Variants in ARHGAP22 observed in about 807,000 individuals in gnomAD.
The protein encoded by ARHGAP22 is Rho GTPase activating protein 22.
In ARHGAP22, 48 loss-of-function variants were observed where a neutral mutation model predicts 59.1. That is an observed-to-expected ratio of 0.81 (90% CI 0.64 to 1.03). ARHGAP22 has a LOEUF of 1.03. Among genes scored for constraint, ARHGAP22 ranks in the 50% least tolerant of loss-of-function variants. ARHGAP22 has a pLI of 0.00. For missense variants in ARHGAP22, 1,015 were observed against 958.7 expected, an observed-to-expected ratio of 1.06 and a Z score of -0.78; for synonymous variants, 445 against 416.4, an observed-to-expected ratio of 1.07 and a Z score of -0.84.
chr10:48,625,644 C>T (rs554888930), intron 1 of ARHGAP22, among the ~76,000 whole-genome samples: 5 of 150,914 alleles, frequency 3.3e-5, no homozygotes, highest in South Asian at 2.1e-4. Context: ...TAGACCAGAC[C>T]GTGCTCACAT....
chr10:48,541,447 T>C (rs1302486236), intron 3 of ARHGAP22, among the ~76,000 whole-genome samples: 1 of 152,214 alleles, frequency 6.6e-6, no homozygotes, highest in Non-Finnish European at 1.5e-5. Context: ...TCTGTGTCTC[T>C]GTGTCACAGA....
intron 2 of ARHGAP22, among the ~76,000 whole-genome samples, chr10:48,561,118 G>T (rs1325869192): frequency 6.6e-6 from 1 of 152,092 alleles, no homozygotes; most frequent in African/African-American, 2.4e-5. Flanking sequence ...AAAACAATGA[G>T]ATATTAGCAT....
At chr10:48,615,776 C>G (rs534340369) in intron 1 of ARHGAP22, among the ~76,000 whole-genome samples, 5 of 152,174 alleles carry the variant, frequency 3.3e-5, no homozygotes, top group Admixed American at 3.3e-4. Context: ...TCATCAAGTA[C>G]TGAACTTCGA....
At chr10:48,551,848 G>A (rs76747442) in intron 3 of ARHGAP22, among the ~76,000 whole-genome samples, 2,458 of 152,332 alleles carry the variant, frequency 0.016, 73 homozygotes, top group African/African-American at 0.056. Flanking sequence ...TGGGAACAAT[G>A]CTAGAATCTG....
intron 3 of ARHGAP22, among the ~76,000 whole-genome samples, chr10:48,539,354 C>T (rs942477119): frequency 1.5e-5 from 2 of 137,294 alleles, no homozygotes; most frequent in Middle Eastern, 4.2e-3. Flanking sequence ...TGCAGTGGCG[C>T]GATCTCGGCT....
chr10:48,595,412 C>T (rs541472675), intron 1 of ARHGAP22, among the ~76,000 whole-genome samples: 124 of 152,298 alleles, frequency 8.1e-4, no homozygotes, highest in Non-Finnish European at 1.6e-3. Flanking sequence ...GACCTCCTTC[C>T]GGGTCCCACA....
chr10:48,644,050 G>A (rs2062185804), intron 1 of ARHGAP22, among the ~76,000 whole-genome samples: 1 of 152,186 alleles, frequency 6.6e-6, no homozygotes, highest in South Asian at 2.1e-4. Flanking sequence ...GGGAGGCTGA[G>A]GCAGGAGAAT....
At chr10:48,482,006 A>T (rs927515580) in intron 3 of ARHGAP22, among the ~76,000 whole-genome samples, 1 of 152,188 alleles carries the variant, frequency 6.6e-6, no homozygotes, top group African/African-American at 2.4e-5. Context: ...TCTGGATATA[A>T]GGCCTTTACC....
chr10:48,548,321 C>T (rs1296391564), intron 3 of ARHGAP22, among the ~76,000 whole-genome samples: 7 of 152,132 alleles, frequency 4.6e-5, no homozygotes, highest in Non-Finnish European at 1.0e-4. Flanking sequence ...CCTGCTCCAA[C>T]CAGGACTCTT....
chr10:48,570,182 A>G (rs1374465295), intron 2 of ARHGAP22, among the ~76,000 whole-genome samples: 2 of 123,878 alleles, frequency 1.6e-5, no homozygotes, highest in Non-Finnish European at 3.3e-5. Context: ...TTTCATTTTG[A>G]TATGTTTAAT....
upstream of ARHGAP22, among the ~76,000 whole-genome samples, chr10:48,607,493 C>A (rs577294990): frequency 2.0e-5 from 3 of 152,288 alleles, no homozygotes; most frequent in Non-Finnish European, 4.4e-5. Context: ...GCCCCTTCAT[C>A]CTGAAGTTTA....
chr10:48,552,104 T>G (rs980847459), intron 3 of ARHGAP22, among the ~76,000 whole-genome samples: 12 of 152,294 alleles, frequency 7.9e-5, no homozygotes, highest in African/African-American at 2.7e-4. Context: ...TTTTATACCG[T>G]TGAATTGCAC....
intron 3 of ARHGAP22, among the ~76,000 whole-genome samples, chr10:48,551,833 C>T (rs1232837626): frequency 1.3e-5 from 2 of 152,236 alleles, no homozygotes; most frequent in African/African-American, 4.8e-5. Flanking sequence ...ACCTCCCAGC[C>T]CAGATGGGAA....
intron 4 of ARHGAP22, among the ~76,000 whole-genome samples, chr10:48,469,259 C>T (rs547055208): frequency 5.9e-5 from 9 of 152,324 alleles, no homozygotes; most frequent in African/African-American, 2.2e-4. Context: ...CATTGAGCTC[C>T]AGGTGAAGCC....
chr10:48,647,125 G>T (rs2062337501), intron 1 of ARHGAP22, among the ~76,000 whole-genome samples: 1 of 152,196 alleles, frequency 6.6e-6, no homozygotes, highest in Non-Finnish European at 1.5e-5. Context: ...TGGGCTTGGT[G>T]GTTTACACTT....
At chr10:48,451,793 C>T (rs1199307728) in intron 8 of ARHGAP22, among the ~76,000 whole-genome samples, 2 of 151,056 alleles carry the variant, frequency 1.3e-5, no homozygotes, top group African/African-American at 4.9e-5. Flanking sequence ...ATACAATGCC[C>T]ACTCCCGAAA....
intron 3 of ARHGAP22, among the ~76,000 whole-genome samples, chr10:48,534,612 T>C (rs2135008348): frequency 6.6e-6 from 1 of 152,354 alleles, no homozygotes; most frequent in South Asian, 2.1e-4. Flanking sequence ...CCACTTACTG[T>C]ATGCCAAGCA....
intron 9 of ARHGAP22, among the ~76,000 whole-genome samples, chr10:48,448,184 A>G (rs2045553643): frequency 6.6e-6 from 1 of 151,730 alleles, no homozygotes; most frequent in Non-Finnish European, 1.5e-5. Context: ...CCCTCCCCAC[A>G]CATCTCCAGT....
At chr10:48,641,813 T>C (rs1169423585) in intron 1 of ARHGAP22, among the ~76,000 whole-genome samples, 3 of 152,226 alleles carry the variant, frequency 2.0e-5, no homozygotes, top group African/African-American at 7.2e-5. Flanking sequence ...TTGTCCCTGT[T>C]TGCAGATGAC....
Sources: allele counts gnomAD v4.1 joint callset (sites outside exome capture counted in the v4.1 genomes callset), GRCh38; gene constraint gnomAD v4.1.1; transcripts MANE v1.5; gene names NCBI Gene and HGNC (gene_info 2026-07-23, HGNC 2026-07-21).